The following DPF3 variants were observed in gnomAD, a reference collection of about 807,000 sequenced individuals.
The protein encoded by DPF3 is double PHD fingers 3.
Under a neutral mutation model 56.8 loss-of-function variants are expected in DPF3, and 18 were observed. That is an observed-to-expected ratio of 0.32 (90% CI 0.22 to 0.47). The LOEUF is 0.47. Among genes scored for constraint, DPF3 ranks in the 20% least tolerant of loss-of-function variants. The pLI is 1.00. For missense variants in DPF3, 403 were observed against 488.8 expected, an observed-to-expected ratio of 0.82 and a Z score of 1.65; for synonymous variants, 188 against 180.2, an observed-to-expected ratio of 1.04 and a Z score of -0.35.
chr14:72,885,788 G>A (rs1028407951), intron 1 of DPF3, among the ~76,000 whole-genome samples: 6 of 152,128 alleles, frequency 3.9e-5, no homozygotes, highest in Admixed American at 2.0e-4. Context: ...ACAGCCAAAA[G>A]GTGAAACAAC....
intron 8 of DPF3, among the ~76,000 whole-genome samples, chr14:72,637,082 T>C (rs1027225260): frequency 6.6e-6 from 1 of 152,252 alleles, no homozygotes; most frequent in African/African-American, 2.4e-5. Flanking sequence ...CCAGTCATTC[T>C]TATAAATAAC....
At chr14:72,622,256 C>A (rs937434424) in intron 9 of DPF3, among the ~76,000 whole-genome samples, 1 of 152,126 alleles carries the variant, frequency 6.6e-6, no homozygotes, top group South Asian at 2.1e-4. Flanking sequence ...CAAGAGTTTA[C>A]TGAGAAGAAG....
At position 72,731,884 on chromosome 14, in the gene DPF3, G is replaced by A; in HGVS notation, c.352C>T (p.Leu118=). ...CCCTCGCCACGGAGCAAGGCTTCCAGCGTGGTGCTCTCTGAGGTGAACCCA... is the reference window on the plus strand; with the variant it reads ...CCCTCGCCACGGAGCAAGGCTTCCAACGTGGTGCTCTCTGAGGTGAACCCA... ...KDGFTSESTT[L]EALLRGEGVE... is the part of the protein sequence containing the mutation. Residue 118 remains leucine, a synonymous_variant, in exon 4 of 11, where the codon CTG becomes TTG. Transcript: ENST00000556509. The A allele has an allele frequency of 6.2e-7, 1 of 1,608,466 alleles. No homozygotes were observed. The highest frequency in any genetic ancestry group is 8.5e-7 in the Non-Finnish European group (1 of 1,177,376).
intron 8 of DPF3, among the ~76,000 whole-genome samples, chr14:72,653,135 C>T (rs748057039): frequency 6.6e-6 from 1 of 152,198 alleles, no homozygotes; most frequent in Non-Finnish European, 1.5e-5. Flanking sequence ...AAGGAAGACC[C>T]GGAGTCTAGT....
At chr14:72,778,686 C>G (rs1891849055) in intron 1 of DPF3, among the ~76,000 whole-genome samples, 1 of 152,084 alleles carries the variant, frequency 6.6e-6, no homozygotes, top group East Asian at 1.9e-4. Context: ...TTTAAGCTAC[C>G]CAGTCTATGC....
chr14:72,763,848 T>C (rs997056448), intron 2 of DPF3, among the ~76,000 whole-genome samples: 2 of 152,210 alleles, frequency 1.3e-5, no homozygotes, highest in African/African-American at 4.8e-5. Context: ...GATAAACTTA[T>C]TGTATCTAGA....
At chr14:72,670,409 G>A in intron 8 of DPF3, 2 of 986,058 alleles carry the variant, frequency 2.0e-6, no homozygotes, top group Non-Finnish European at 2.4e-6. Context: ...CAGGTGTGGA[G>A]GGAGGCCAGG....
intron 1 of DPF3, among the ~76,000 whole-genome samples, chr14:72,815,204 C>T (rs1433793260): frequency 1.3e-5 from 2 of 151,736 alleles, no homozygotes; most frequent in Admixed American, 1.3e-4. Context: ...AGAAAAGATA[C>T]AGATGGCCAA....
At chr14:72,713,726 G>A (rs980607765) in intron 6 of DPF3, among the ~76,000 whole-genome samples, 1 of 152,230 alleles carries the variant, frequency 6.6e-6, no homozygotes, top group Non-Finnish European at 1.5e-5. Context: ...GCTGTCTGGA[G>A]CTGACCACCT....
chr14:72,739,281 A>G (rs1230833614), intron 3 of DPF3, among the ~76,000 whole-genome samples: 1 of 151,838 alleles, frequency 6.6e-6, no homozygotes, highest in Non-Finnish European at 1.5e-5. Flanking sequence ...AATACAGACA[A>G]CCAGAAAGTG....
At chr14:72,755,660 C>G (rs898327067) in intron 2 of DPF3, among the ~76,000 whole-genome samples, 1 of 152,198 alleles carries the variant, frequency 6.6e-6, no homozygotes, top group Admixed American at 6.5e-5. Context: ...CTGACCTAGT[C>G]TTGGACTCCA....
At position 72,670,729 on chromosome 14, in the gene DPF3, T is replaced by G. The variant is rs17119349; in HGVS notation, c.871+3511A>C. On this transcript the variant is annotated intron_variant, in intron 8 of 10. Transcript: ENST00000556509. ...TAATGTTTTAATGTTATTGGTTCTTTGTTTCCAACCCAAAGTTCCTCTTCT... is the reference window on the plus strand; with the variant it reads ...TAATGTTTTAATGTTATTGGTTCTTGGTTTCCAACCCAAAGTTCCTCTTCT... The G allele has an allele frequency of 0.014, 14,720 of 1,018,574 alleles. 1,263 individuals are homozygous for G. In the African/African-American group the frequency reaches 0.2, roughly 13 times the overall value. The allele number at this position is 1,018,574 out of a possible 1,614,324, so 63.1% of individuals were successfully genotyped here.
intron 1 of DPF3, among the ~76,000 whole-genome samples, chr14:72,893,021 A>C (rs61988506): frequency 0.46 from 62,076 of 135,486 alleles, 16,545 homozygotes; most frequent in Non-Finnish European, 0.58. Flanking sequence ...GGAAGGAAGG[A>C]AGGATGAAAA....
At chr14:72,721,371 T>C (rs1889166408) in intron 5 of DPF3, among the ~76,000 whole-genome samples, 1 of 152,040 alleles carries the variant, frequency 6.6e-6, no homozygotes, top group Non-Finnish European at 1.5e-5. Flanking sequence ...CTTGCATCAG[T>C]TTGGTTGGGG....
intron 1 of DPF3, among the ~76,000 whole-genome samples, chr14:72,791,459 G>A (rs1446267586): frequency 6.6e-6 from 1 of 152,208 alleles, no homozygotes; most frequent in Non-Finnish European, 1.5e-5. Context: ...ACCAGGGAGA[G>A]CAGTGCCCTG....
chr14:72,777,673 G>A (rs190793958), intron 1 of DPF3, among the ~76,000 whole-genome samples: 8 of 152,158 alleles, frequency 5.3e-5, no homozygotes, highest in Non-Finnish European at 8.8e-5. Context: ...TGCTGTCTTC[G>A]TGATAGCAAG....
At position 72,798,104 on chromosome 14, in the gene DPF3, A is replaced by G. The variant is rs118038227; in HGVS notation, c.33-26211T>C. Among the ~76,000 whole-genome samples, 75 of 152,008 alleles carry G rather than the reference A, an allele frequency of 4.9e-4. 1 individual carries two copies. The East Asian group carries it at 0.013, about 27-fold the overall frequency. ...ACCCTGTCTCCACCAAAAATACAAA[A>G]GTAGTTGGGTGTGGTGGCAGGCGCC... On this transcript the variant is annotated intron_variant, in intron 1 of 10. Coordinates refer to ENST00000556509, the MANE Select transcript of DPF3 (RefSeq NM_001280542.3).
At chr14:72,852,763 A>C (rs887895378) in intron 1 of DPF3, among the ~76,000 whole-genome samples, 1 of 152,190 alleles carries the variant, frequency 6.6e-6, no homozygotes, top group Non-Finnish European at 1.5e-5. Context: ...ACCGATTTCT[A>C]CATGGAATGT....
chr14:72,782,562 C>T (rs986861454), intron 1 of DPF3, among the ~76,000 whole-genome samples: 8 of 152,180 alleles, frequency 5.3e-5, no homozygotes, highest in African/African-American at 1.2e-4. Flanking sequence ...GGGCTGGGCA[C>T]GGTGGCCCAC....
Sources: allele counts gnomAD v4.1 joint callset (sites outside exome capture counted in the v4.1 genomes callset), GRCh38; gene constraint gnomAD v4.1.1; transcripts MANE v1.5; gene names NCBI Gene and HGNC (gene_info 2026-07-23, HGNC 2026-07-21).